The following PTPRT variants were observed in gnomAD, a reference collection of about 807,000 sequenced individuals.
PTPRT encodes protein tyrosine phosphatase receptor type T, also known as receptor-type tyrosine-protein phosphatase T.
In PTPRT, 56 loss-of-function variants were observed where a neutral mutation model predicts 176.8. The observed-to-expected ratio is 0.32, with a 90% CI of 0.26 to 0.40. The LOEUF (loss-of-function observed/expected upper bound fraction) is 0.40, where lower values mean the gene tolerates loss of function less well. Among genes scored for constraint, PTPRT ranks in the 10% least tolerant of loss-of-function variants. The pLI is 1.00. For synonymous variants in PTPRT, 783 were observed against 739.0 expected (o/e 1.06, Z -0.96); for missense variants, 1,540 against 1,908.2 (o/e 0.81, Z 3.60).
intron 1 of PTPRT, among the ~76,000 whole-genome samples, chr20:43,105,283 G>A (rs6513824): frequency 0.14 from 21,179 of 152,108 alleles, 1,518 homozygotes; most frequent in South Asian, 0.17. Context: ...TGCACCATTG[G>A]TCTATATATA....
chr20:42,698,852 CATGAATGAATGA>C lies in PTPRT; in HGVS notation c.860-20705_860-20694del, dbSNP rs3092082. ...CATCAGAGGCAACAATGAATGCATA[CATGAATGAATGA>C]ATGAATGAATGAATGAACGAACAAA... On this transcript the variant is annotated intron_variant, in intron 6 of 30. Transcript: ENST00000373187. Among the ~76,000 whole-genome samples, 8 of 151,540 alleles carry C rather than the reference CATGAATGAATGA, an allele frequency of 5.3e-5. No individual in the cohort carries two copies. The East Asian group carries it at 5.8e-4, about 11-fold the overall frequency.
At chr20:42,669,533 G>A (rs1169769250) in intron 7 of PTPRT, among the ~76,000 whole-genome samples, 1 of 152,156 alleles carries the variant, frequency 6.6e-6, no homozygotes, top group African/African-American at 2.4e-5. Flanking sequence ...CTGCCCAGAA[G>A]GATGTCCCAT....
the PTPRT span, among the ~76,000 whole-genome samples, chr20:42,059,455 A>G: frequency 4.3e-4 from 65 of 152,338 alleles, no homozygotes; most frequent in African/African-American, 1.5e-3. Context: ...CGGCTCAACA[A>G]TGAAGAGAAA....
At chr20:42,928,354 C>G (rs1360573118) in intron 1 of PTPRT, among the ~76,000 whole-genome samples, 1 of 152,230 alleles carries the variant, frequency 6.6e-6, no homozygotes, top group Non-Finnish European at 1.5e-5. Flanking sequence ...CAGGAGGACA[C>G]AGTCCAGACA....
chr20:42,467,497 T>C (rs548430309), intron 8 of PTPRT, among the ~76,000 whole-genome samples: 2 of 152,344 alleles, frequency 1.3e-5, no homozygotes, highest in African/African-American at 4.8e-5. Flanking sequence ...GGTTAAATAT[T>C]ATTAGAAATG....
intron 1 of PTPRT, among the ~76,000 whole-genome samples, chr20:43,106,326 G>T (rs1277172768): frequency 6.6e-6 from 1 of 151,828 alleles, no homozygotes; most frequent in Non-Finnish European, 1.5e-5. Context: ...AAAGTAAAGG[G>T]TTAATGCTCC....
intron 7 of PTPRT, among the ~76,000 whole-genome samples, chr20:42,499,349 T>C (rs1465047705): frequency 6.6e-6 from 1 of 151,620 alleles, no homozygotes; most frequent in Non-Finnish European, 1.5e-5. Context: ...TGAAGTGCAA[T>C]GGCACAATCT....
chr20:42,700,966 T>G (rs910551061), intron 6 of PTPRT, among the ~76,000 whole-genome samples: 1 of 152,048 alleles, frequency 6.6e-6, no homozygotes, highest in Non-Finnish European at 1.5e-5. Flanking sequence ...GTGGGGGCGG[T>G]CCACACTGAT....
intron 8 of PTPRT, among the ~76,000 whole-genome samples, chr20:42,467,316 T>C (rs983309201): frequency 2.6e-5 from 4 of 152,178 alleles, no homozygotes; most frequent in Non-Finnish European, 5.9e-5. Context: ...ACATTTACAG[T>C]GGAGGGACCG....
intron 18 of PTPRT, among the ~76,000 whole-genome samples, chr20:42,134,198 A>G (rs1044915092): frequency 1.3e-5 from 2 of 152,230 alleles, no homozygotes; most frequent in Non-Finnish European, 2.9e-5. Context: ...GTTTACCCAC[A>G]TGCACATGGA....
chr20:42,536,043 G>A (rs759762237), intron 7 of PTPRT, among the ~76,000 whole-genome samples: 45 of 152,006 alleles, frequency 3.0e-4, no homozygotes, highest in Non-Finnish European at 4.3e-4. Flanking sequence ...ATCCCTCAGG[G>A]AAGAAAGAAT....
intron 7 of PTPRT, among the ~76,000 whole-genome samples, chr20:42,503,854 C>A (rs1265940305): frequency 6.6e-6 from 1 of 152,056 alleles, no homozygotes; most frequent in Non-Finnish European, 1.5e-5. Flanking sequence ...CCCTTCAGAG[C>A]CAGTAAACTT....
At chr20:42,974,827 T>A (rs1354261890) in intron 1 of PTPRT, among the ~76,000 whole-genome samples, 1 of 152,246 alleles carries the variant, frequency 6.6e-6, no homozygotes, top group Admixed American at 6.5e-5. Context: ...TTTCCAGCAC[T>A]ACCCCCAATG....
intron 1 of PTPRT, among the ~76,000 whole-genome samples, chr20:43,101,953 G>C (rs1031723669): frequency 6.6e-6 from 1 of 152,140 alleles, no homozygotes; most frequent in African/African-American, 2.4e-5. Flanking sequence ...CTGGAGGCTG[G>C]GAAGTCCAAG....
intron 2 of PTPRT, among the ~76,000 whole-genome samples, chr20:42,879,630 A>G (rs2078984282): frequency 6.6e-6 from 1 of 152,232 alleles, no homozygotes; most frequent in African/African-American, 2.4e-5. Context: ...ATGAGCAGTT[A>G]GAGCAAGGCA....
intron 7 of PTPRT, among the ~76,000 whole-genome samples, chr20:42,507,840 A>G (rs2071874962): frequency 6.7e-6 from 1 of 149,262 alleles, no homozygotes; most frequent in African/African-American, 2.5e-5. Context: ...GTAGAATTTC[A>G]TTACTCACAG....
chr20:42,111,848 T>C (rs1176227224), intron 22 of PTPRT, among the ~76,000 whole-genome samples: 1 of 152,154 alleles, frequency 6.6e-6, no homozygotes, highest in Non-Finnish European at 1.5e-5. Context: ...GTGTGAGTAT[T>C]ACCCAGTTGA....
intron 7 of PTPRT, among the ~76,000 whole-genome samples, chr20:42,600,237 T>C (rs1479717856): frequency 6.6e-6 from 1 of 152,192 alleles, no homozygotes; most frequent in African/African-American, 2.4e-5. Flanking sequence ...CCTCTCAGGT[T>C]CATGCAATTC....
At chr20:42,809,797 A>C (rs973888291) in intron 2 of PTPRT, among the ~76,000 whole-genome samples, 1 of 152,054 alleles carries the variant, frequency 6.6e-6, no homozygotes, top group Non-Finnish European at 1.5e-5. Flanking sequence ...ATCCACCCTA[A>C]ATCCAGGATA....
Sources: allele counts gnomAD v4.1 joint callset (sites outside exome capture counted in the v4.1 genomes callset), GRCh38; gene constraint gnomAD v4.1.1; transcripts MANE v1.5; gene names NCBI Gene and HGNC (gene_info 2026-07-23, HGNC 2026-07-21).